The following ITPR2 variants were observed in gnomAD, a reference collection of about 807,000 sequenced individuals.
ITPR2 encodes inositol 1,4,5-trisphosphate-gated calcium channel ITPR2.
A neutral mutation model predicts 317.1 loss-of-function variants in ITPR2; 207 were observed. The ratio of observed to expected loss-of-function variants is 0.65; its 90% CI spans 0.58 to 0.73. The LOEUF (loss-of-function observed/expected upper bound fraction) is 0.73, where lower values mean the gene tolerates loss of function less well. Among genes scored for constraint, ITPR2 ranks in the 30% least tolerant of loss-of-function variants. The pLI is 0.00. For missense variants in ITPR2, 2,613 were observed against 3,284.0 expected, an observed-to-expected ratio of 0.80 and a Z score of 4.99; for synonymous variants, 1,156 against 1,149.1, an observed-to-expected ratio of 1.01 and a Z score of -0.12.
chr12:26,483,881 T>G lies in ITPR2; in HGVS notation c.5829A>C (p.Gln1943His). The G allele has an allele frequency of 6.2e-7, 1 of 1,614,124 alleles. No homozygotes were observed. Residue 1943 changes from glutamine to histidine, a missense_variant, in exon 42 of 57, where the codon CAA becomes CAC. Coordinates refer to ENST00000381340, the MANE Select transcript of ITPR2 (RefSeq NM_002223.4). ...CTAGGTTGTAATTTGTTTTGTTGTT[T>G]TGATTCCTCAAGAAGTTCTGAAGGC... ...NRELQNFLRN[Q>H]NNKTNYNLVC...
chr12:26,387,223 G>A (rs1939693456), intron 55 of ITPR2, among the ~76,000 whole-genome samples: 1 of 152,156 alleles, frequency 6.6e-6, no homozygotes, highest in African/African-American at 2.4e-5. Context: ...CTGTGCACTG[G>A]AGACTCAAAT....
chr12:26,571,704 A>T (rs1945164951), intron 34 of ITPR2, among the ~76,000 whole-genome samples: 3 of 152,208 alleles, frequency 2.0e-5, no homozygotes, highest in Admixed American at 2.0e-4. Flanking sequence ...AAAGCTGCCA[A>T]ACCCTGATAA....
intron 45 of ITPR2, among the ~76,000 whole-genome samples, chr12:26,466,029 T>G (rs1276958273): frequency 6.6e-6 from 1 of 152,246 alleles, no homozygotes; most frequent in Non-Finnish European, 1.5e-5. Context: ...AATCTCTTCA[T>G]GTTTACAAAA....
intron 13 of ITPR2, among the ~76,000 whole-genome samples, chr12:26,676,397 A>G (rs1947907969): frequency 6.6e-6 from 1 of 150,776 alleles, no homozygotes. Flanking sequence ...GAATCACTTG[A>G]GCCTGCGAGG....
rs759598994 is a variant in ITPR2 at position 26,599,953 on chromosome 12, T to C, written c.3801+34A>G. The C allele has an allele frequency of 2.6e-6, 4 of 1,524,360 alleles. No homozygotes were observed. In the Admixed American group the frequency reaches 5.1e-5, roughly 19 times the overall value. The allele number at this position is 1,524,360 out of a possible 1,614,324, so 94.4% of individuals were successfully genotyped here. On this transcript the variant is annotated intron_variant, in intron 29 of 56. Coordinates refer to ENST00000381340, the MANE Select transcript of ITPR2 (RefSeq NM_002223.4). ...ACTGAGACAAATTTGATGCACACTT[T>C]ACTAGAAATACTAGAAGCCACTAAA...
intron 2 of ITPR2, among the ~76,000 whole-genome samples, chr12:26,776,025 G>C (rs1949962683): frequency 6.6e-6 from 1 of 150,708 alleles, no homozygotes. Flanking sequence ...AGTGGTTCTA[G>C]AGGAACAGAA....
Position 26,457,348 on chromosome 12 carries a change from A to C in ITPR2, c.6343-13698T>G, listed in dbSNP as rs545492304. Among the ~76,000 whole-genome samples, 4 of 152,318 alleles carry C rather than the reference A, an allele frequency of 2.6e-5. No homozygotes were observed. In the Middle Eastern group the frequency reaches 0.01, roughly 391 times the overall value. On this transcript the variant is annotated intron_variant, in intron 45 of 56. Transcript: ENST00000381340. ...CAGTGTGGCTTGAGCAGAATAAGTA[A>C]AGACGAAAGTGGCCAGAGAGAGGGG...
chr12:26,763,418 T>G (rs538118237), intron 2 of ITPR2, among the ~76,000 whole-genome samples: 16 of 152,192 alleles, frequency 1.1e-4, no homozygotes, highest in Non-Finnish European at 2.1e-4. Flanking sequence ...CCATCGAAGT[T>G]TATGAATCCA....
chr12:26,658,044 C>G lies in ITPR2; in HGVS notation c.1973G>C (p.Ser658Thr), dbSNP rs768711971. The G allele has an allele frequency of 4.3e-6, 7 of 1,613,376 alleles. No homozygotes were observed. In the South Asian group the frequency reaches 7.7e-5, roughly 18 times the overall value. Residue 658 changes from serine (S) to threonine (T), a missense_variant, in exon 17 of 57, where the codon AGT (serine) becomes ACT (threonine). This residue lies in a region of ITPR2 where 817 missense variants were observed against 897.6 expected (regional missense o/e 0.91). Coordinates refer to ENST00000381340, the MANE Select transcript of ITPR2 (RefSeq NM_002223.4). ...AATGAGAATGTCTGCATTGCCTGGA[C>G]TCAACATAAATTTACAGATGAGTTC... Reference protein sequence around the residue: ...TQELICKFMLSPGNADILIQT... With the variant: ...TQELICKFMLTPGNADILIQT...
chr12:26,711,125 A>G, intron 9 of ITPR2, 48 bp downstream of exon 9: 1 of 1,313,014 alleles, frequency 7.6e-7, no homozygotes, highest in Non-Finnish European at 1.1e-6. Flanking sequence ...TGCCTCTTTC[A>G]CTAATTCAGA....
At position 26,500,726 on chromosome 12, in the gene ITPR2, C is replaced by G. The variant is rs74768250; in HGVS notation, c.5074-5466G>C. Among the ~76,000 whole-genome samples the G allele has an allele frequency of 8.6e-3, 1,306 of 152,172 alleles. 16 individuals carry two copies. The highest frequency in any genetic ancestry group is 0.03 in the African/African-American group (1,237 of 41,508). On this transcript the variant is annotated intron_variant, in intron 37 of 56. Transcript: ENST00000381340. ...TTTTCCCACCCACTCCCTGTTACAC[C>G]GAGTCCAATGCATCAAAAATTAAAA...
intron 34 of ITPR2, among the ~76,000 whole-genome samples, chr12:26,565,700 G>A (rs1944939690): frequency 6.6e-6 from 1 of 151,556 alleles, no homozygotes; most frequent in South Asian, 2.1e-4. Flanking sequence ...CTATTCAGGA[G>A]GCTGAGTCAG....
intron 25 of ITPR2, among the ~76,000 whole-genome samples, chr12:26,621,512 A>C (rs1479498038): frequency 1.3e-5 from 2 of 152,186 alleles, no homozygotes; most frequent in Non-Finnish European, 2.9e-5. Flanking sequence ...TTCACTGCTG[A>C]AGTTAATTTT....
intron 26 of ITPR2, among the ~76,000 whole-genome samples, chr12:26,605,311 T>A (rs1278478041): frequency 6.6e-6 from 1 of 151,882 alleles, no homozygotes; most frequent in Admixed American, 6.6e-5. Context: ...AAGTAGAAAC[T>A]GCAAAAGCTA....
chr12:26,514,199 T>TA (rs1188955460), intron 37 of ITPR2, among the ~76,000 whole-genome samples: 1 of 152,132 alleles, frequency 6.6e-6, no homozygotes, highest in Non-Finnish European at 1.5e-5. Context: ...GATGTTTTTT[T>TA]AAAAAAAGAA....
chr12:26,680,400 A>T (rs1948006505), intron 13 of ITPR2, among the ~76,000 whole-genome samples: 1 of 152,194 alleles, frequency 6.6e-6, no homozygotes, highest in Admixed American at 6.5e-5. Context: ...GTCAAAATTT[A>T]AAAATATTTT....
intron 36 of ITPR2, among the ~76,000 whole-genome samples, chr12:26,553,299 C>T (rs1009418433): frequency 7.9e-5 from 12 of 152,212 alleles, no homozygotes; most frequent in African/African-American, 2.7e-4. Flanking sequence ...TTGACCTATT[C>T]TCTTCTCTTT....
chr12:26,474,783 G>T (rs1442928705), intron 45 of ITPR2, among the ~76,000 whole-genome samples: 2 of 103,706 alleles, frequency 1.9e-5, no homozygotes, highest in African/African-American at 7.1e-5. Flanking sequence ...GACAGAGCGA[G>T]ACTCCGTCTC....
At chr12:26,649,372 A>C (rs1464514145) in intron 21 of ITPR2, 1 of 152,232 alleles carries the variant, frequency 6.6e-6, no homozygotes, top group Non-Finnish European at 1.5e-5. Flanking sequence ...CAAGAAATCT[A>C]ACTGACATAA....
Sources: allele counts gnomAD v4.1 joint callset (sites outside exome capture counted in the v4.1 genomes callset), GRCh38; gene constraint gnomAD v4.1.1; regional missense constraint gnomAD v4.1.1; transcripts MANE v1.5; gene names NCBI Gene and HGNC (gene_info 2026-07-23, HGNC 2026-07-21).